CRACDL: variants seen among roughly 807,000 people sequenced by gnomAD.
The protein encoded by CRACDL is CRACD-like protein.
A neutral mutation model predicts 70.6 loss-of-function variants in CRACDL; 26 were observed. That is an observed-to-expected ratio of 0.37 (90% confidence interval 0.27 to 0.51). The LOEUF (loss-of-function observed/expected upper bound fraction) is 0.51, where lower values mean the gene tolerates loss of function less well. Among genes scored for constraint, CRACDL ranks in the 20% least tolerant of loss-of-function variants. The pLI is 0.94. For synonymous variants in CRACDL, 618 were observed against 615.2 expected (o/e 1.00, Z -0.07); for missense variants, 1,283 against 1,376.9 (o/e 0.93, Z 1.08).
intron 1 of CRACDL, among the ~76,000 whole-genome samples, chr2:98,854,070 T>G (rs532345505): frequency 1.4e-4 from 21 of 151,372 alleles, no homozygotes; most frequent in Non-Finnish European, 2.4e-4. Flanking sequence ...GATCACGAGG[T>G]CAGGAGTTCG....
At chr2:98,905,365 G>A (rs891739341) in intron 1 of CRACDL, among the ~76,000 whole-genome samples, 2 of 151,990 alleles carry the variant, frequency 1.3e-5, no homozygotes, top group Non-Finnish European at 1.5e-5. Flanking sequence ...GCTTCCTGAG[G>A]CCCTCACCAG....
intron 1 of CRACDL, among the ~76,000 whole-genome samples, chr2:98,903,101 G>A (rs964272665): frequency 6.6e-6 from 1 of 152,128 alleles, no homozygotes; most frequent in African/African-American, 2.4e-5. Context: ...CTGTGGGGAT[G>A]GGATCAGCCT....
intron 2 of CRACDL, among the ~76,000 whole-genome samples, 161 bp from the exon 3 acceptor site, chr2:98,838,448 A>G (rs1705888992): frequency 6.6e-6 from 1 of 152,198 alleles, no homozygotes; most frequent in Non-Finnish European, 1.5e-5. Flanking sequence ...TACATGGTAT[A>G]CCAGTTTTGC....
At chr2:98,934,374 T>C (rs987798659) in intron 1 of CRACDL, among the ~76,000 whole-genome samples, 1 of 152,056 alleles carries the variant, frequency 6.6e-6, no homozygotes, top group Admixed American at 6.5e-5. Context: ...TTTGTATTTT[T>C]AGTAGAGTCA....
At chr2:98,836,971 G>A (rs1705813124) in intron 3 of CRACDL, among the ~76,000 whole-genome samples, 1 of 151,862 alleles carries the variant, frequency 6.6e-6, no homozygotes. Context: ...TGTAGTCCCA[G>A]CTACTCGGGA....
chr2:98,834,874 C>G (rs1482736110), intron 3 of CRACDL, among the ~76,000 whole-genome samples: 2 of 152,000 alleles, frequency 1.3e-5, no homozygotes, highest in African/African-American at 4.8e-5. Context: ...GGAACAACAA[C>G]AAGAAAACCA....
chr2:98,903,298 G>A (rs1011000759), intron 1 of CRACDL, among the ~76,000 whole-genome samples: 4 of 152,118 alleles, frequency 2.6e-5, no homozygotes, highest in Non-Finnish European at 4.4e-5. Context: ...GGCTCACACC[G>A]AGTGCGTTCA....
chr2:98,827,781 A>G (rs933003223), intron 5 of CRACDL, among the ~76,000 whole-genome samples: 1 of 152,058 alleles, frequency 6.6e-6, no homozygotes, highest in Non-Finnish European at 1.5e-5. Context: ...TTCAGACAAG[A>G]GCTTTCTCTC....
intron 1 of CRACDL, among the ~76,000 whole-genome samples, chr2:98,908,717 A>G (rs756536224): frequency 2.3e-4 from 35 of 152,214 alleles, no homozygotes; most frequent in African/African-American, 7.0e-4. Context: ...TTACAGTCCA[A>G]TGACCTTCCC....
intron 1 of CRACDL, among the ~76,000 whole-genome samples, chr2:98,850,455 G>A (rs1186792237): frequency 6.6e-6 from 1 of 152,204 alleles, no homozygotes; most frequent in East Asian, 1.9e-4. Flanking sequence ...AATTAGAAAG[G>A]CAATGTGGCA....
chr2:98,822,726 G>T lies in CRACDL; in HGVS notation c.1547C>A (p.Ala516Asp). 1 of 1,259,922 alleles carries T rather than the reference G, an allele frequency of 7.9e-7. No individual in the cohort carries two copies. The highest frequency in any genetic ancestry group is 9.9e-7 in the Non-Finnish European group (1 of 1,006,392). 78.0% of individuals were successfully genotyped at this position (1,259,922 alleles called of 1,614,324 possible). A position where few individuals can be genotyped will look rare whatever the true frequency, so the allele number is the denominator to read the frequency against. ...CTCCACCGGGGGAGACTCCGCAGCG[G>T]CAAGCGGCGGGGACGCGGCGGGGCC... ...SEGPAASPPL[A>D]AAESPPVEPG... Residue 516 changes from alanine to aspartate, a missense_variant, in exon 7 of 10, where the codon GCC becomes GAC. Physicochemically the swap from Ala to Asp is moderately radical, Grantham distance 126. Transcript: ENST00000397899. The surrounding 1 kb of genome is among the most constrained non-coding windows in gnomAD (Gnocchi z 4.9).
Position 98,822,046 on chromosome 2 carries a change from TG to T in CRACDL, c.2226del (p.Ser743AlafsTer111). On this transcript the variant is annotated frameshift_variant, in exon 7 of 10. Transcript: ENST00000397899. LOFTEE classifies it high-confidence loss of function. This position sits in a 1 kb window ranked among gnomAD's most constrained non-coding sequence, Gnocchi z 4.9. ...TAPALRGTRA[P>X]SDQGKGKARP... Reference sequence around the variant, plus strand: ...CGGGCCTTCCCCTTTCCTTGGTCGCTGGGGGCCCTGGTGCCTCGAAGGGCGG... The same window carrying T: ...CGGGCCTTCCCCTTTCCTTGGTCGCTGGGGCCCTGGTGCCTCGAAGGGCGG... 1 of 1,546,350 alleles carries T rather than the reference TG, an allele frequency of 6.5e-7. No homozygotes were observed. The highest frequency in any genetic ancestry group is 8.7e-7 in the Non-Finnish European group (1 of 1,145,000).
chr2:98,877,412 C>T (rs1277507388), intron 1 of CRACDL, among the ~76,000 whole-genome samples: 13 of 152,190 alleles, frequency 8.5e-5, no homozygotes. Flanking sequence ...ATTCCTATCA[C>T]CTAGTGATGT....
chr2:98,859,724 A>G (rs548415968), intron 1 of CRACDL, among the ~76,000 whole-genome samples: 1 of 152,324 alleles, frequency 6.6e-6, no homozygotes, highest in African/African-American at 2.4e-5. Flanking sequence ...GAAAGACAGA[A>G]TGCTTTTCCC....
At chr2:98,846,611 C>T in intron 2 of CRACDL, 120 bp downstream of exon 2, 6 of 765,968 alleles carry the variant, frequency 7.8e-6, no homozygotes, top group Non-Finnish European at 1.4e-5. Context: ...TCTGAGCACA[C>T]TGGGAACTAA....
At chr2:98,922,313 G>T (rs531963752) in intron 1 of CRACDL, among the ~76,000 whole-genome samples, 10 of 151,566 alleles carry the variant, frequency 6.6e-5, no homozygotes, top group African/African-American at 2.4e-4. Context: ...GGTGGTGCAC[G>T]CCTGTAGTCC....
intron 1 of CRACDL, among the ~76,000 whole-genome samples, chr2:98,881,441 G>T (rs1333860919): frequency 1.3e-5 from 2 of 152,218 alleles, no homozygotes; most frequent in African/African-American, 4.8e-5. Context: ...AACCCCAGCT[G>T]CACATCAGAA....
chr2:98,821,915 C>A lies in CRACDL; in HGVS notation c.2358G>T (p.Glu786Asp), dbSNP rs532793433. ...QPAPPDAGPG[E>D]REPRKEPRTA... is the part of the protein sequence containing the mutation. Reference sequence around the variant, plus strand: ...TCCTGGGCTCCTTCCTGGGTTCCCGCTCTCCCGGGCCGGCGTCGGGGGGCG... The same window carrying A: ...TCCTGGGCTCCTTCCTGGGTTCCCGATCTCCCGGGCCGGCGTCGGGGGGCG... The change falls in exon 7 of 10, where the codon GAG becomes GAT. Residue 786 changes from glutamate to aspartate, a missense_variant. This residue lies in a region of CRACDL where 921 missense variants were observed against 881.9 expected (regional missense o/e 1.04). Transcript: ENST00000397899. 2 of 1,595,646 alleles carry A rather than the reference C, an allele frequency of 1.3e-6. No individual in the cohort carries two copies. The highest frequency in any genetic ancestry group is 2.7e-5 in the African/African-American group (2 of 73,642).
At chr2:98,904,132 A>T (rs1708349574) in intron 1 of CRACDL, among the ~76,000 whole-genome samples, 1 of 152,244 alleles carries the variant, frequency 6.6e-6, no homozygotes. Context: ...ATACAAACAG[A>T]AGGAACACTG....
Sources: gnomAD v4.1 joint callset for allele counts (sites outside exome capture counted in the v4.1 genomes callset) on GRCh38, gnomAD v4.1.1 for gene constraint, gnomAD v4.1.1 regional missense constraint, Gnocchi (gnomAD v3.1) non-coding constraint, MANE v1.5 for transcripts, NCBI Gene and HGNC (gene_info 2026-07-23, HGNC 2026-07-21) for gene names.